Variants in MACF1 observed in about 807,000 individuals in gnomAD.
MACF1 encodes the protein microtubule-actin cross-linking factor 1.
Under a neutral mutation model 854.8 loss-of-function variants are expected in MACF1, and 193 were observed. The ratio of observed to expected loss-of-function variants is 0.23; its 90% CI spans 0.20 to 0.25. The LOEUF (loss-of-function observed/expected upper bound fraction) is 0.25. MACF1 is among the 10% of genes least tolerant of loss of function. MACF1 has a pLI of 1.00. For synonymous variants in MACF1, 3,185 were observed against 3,226.7 expected, an observed-to-expected ratio of 0.99 and a Z score of 0.44; for missense variants, 7,722 against 8,929.1, an observed-to-expected ratio of 0.86 and a Z score of 5.45.
At chr1:39,358,074 G>A (rs890238938) in intron 45 of MACF1, among the ~76,000 whole-genome samples, 181 bp downstream of exon 45, 1 of 152,162 alleles carries the variant, frequency 6.6e-6, no homozygotes, top group Non-Finnish European at 1.5e-5. Flanking sequence ...ATAGGTACTA[G>A]CCCAAAGGCC....
intron 64 of MACF1, among the ~76,000 whole-genome samples, chr1:39,429,573 A>G (rs1179039936): frequency 6.6e-6 from 1 of 152,144 alleles, no homozygotes; most frequent in East Asian, 1.9e-4. Context: ...GCCAACATGC[A>G]CTGAAAGGTG....
chr1:39,324,603 T>C, intron 34 of MACF1, 43 bp from the exon 35 acceptor site: 2 of 1,494,234 alleles, frequency 1.3e-6, no homozygotes, highest in Non-Finnish European at 1.8e-6. Flanking sequence ...TGACTCTTAA[T>C]TCTTGGGTTT....
chr1:39,157,321 G>T (rs966647691), intron 2 of MACF1, among the ~76,000 whole-genome samples: 1 of 152,118 alleles, frequency 6.6e-6, no homozygotes, highest in African/African-American at 2.4e-5. Flanking sequence ...ATCTTTTTAG[G>T]TGGGCATACT....
intron 64 of MACF1, 93 bp downstream of exon 64, chr1:39,429,419 A>G (rs1570042895): frequency 2.7e-6 from 2 of 728,968 alleles, no homozygotes; most frequent in East Asian, 2.5e-5. Context: ...CCTCTTCTTT[A>G]TGTATATATG....
At chr1:39,319,775 A>C in intron 31 of MACF1, 28 bp downstream of exon 31, 1 of 1,498,540 alleles carries the variant, frequency 6.7e-7, no homozygotes, top group Non-Finnish European at 9.3e-7. Context: ...CAAAAAGAAC[A>C]TGAATCATCA....
intron 49 of MACF1, among the ~76,000 whole-genome samples, chr1:39,364,738 C>T (rs991911063): frequency 6.6e-5 from 10 of 151,858 alleles, no homozygotes; most frequent in East Asian, 3.9e-4. Context: ...GTGATCCGCC[C>T]GCCTCAGCCT....
chr1:39,187,850 C>CTCTCTCTCTCTCCCTG (rs1644193711), intron 2 of MACF1, among the ~76,000 whole-genome samples: 4 of 106,314 alleles, frequency 3.8e-5, no homozygotes, highest in Non-Finnish European at 1.9e-5. Context: ...GGCTGTCTTT[C>CTCTCTCTCTCTCCCTG]TCTCTCTCTC....
At chr1:39,267,470 A>G (rs1042349519) in intron 6 of MACF1, among the ~76,000 whole-genome samples, 2 of 152,216 alleles carry the variant, frequency 1.3e-5, no homozygotes, top group African/African-American at 2.4e-5. Context: ...AGCTCAGGCA[A>G]TCCGCCTGCC....
At chr1:39,384,893 TA>T (rs767662677) in intron 56 of MACF1, among the ~76,000 whole-genome samples, 1 of 152,080 alleles carries the variant, frequency 6.6e-6, no homozygotes, top group Non-Finnish European at 1.5e-5. Context: ...ATGGGACAAA[TA>T]AGGAAAAGAA....
At chr1:39,109,107 A>G (rs148198436) in intron 2 of MACF1, among the ~76,000 whole-genome samples, 1 of 152,272 alleles carries the variant, frequency 6.6e-6, no homozygotes, top group African/African-American at 2.4e-5. Flanking sequence ...CTCCAGTCCT[A>G]GTTTTTGCCA....
intron 74 of MACF1, among the ~76,000 whole-genome samples, chr1:39,441,562 C>G (rs556787853): frequency 6.6e-6 from 1 of 152,300 alleles, no homozygotes; most frequent in African/African-American, 2.4e-5. Context: ...TAGATTCATT[C>G]AGCTACGTTG....
chr1:39,273,560 G>A (rs895916288), intron 6 of MACF1, among the ~76,000 whole-genome samples: 4 of 152,026 alleles, frequency 2.6e-5, no homozygotes, highest in African/African-American at 9.7e-5. Context: ...GAATGCAGAA[G>A]GTAAAGTTAT....
chr1:39,323,668 T>C (rs553799842), intron 33 of MACF1, among the ~76,000 whole-genome samples: 13 of 152,212 alleles, frequency 8.5e-5, no homozygotes, highest in African/African-American at 3.1e-4. Flanking sequence ...ATGTCATCTG[T>C]TTGTAACTGT....
chr1:39,463,490 CAA>C (rs58454766), intron 93 of MACF1, 120 bp from the exon 94 acceptor site: 5,660 of 497,280 alleles, frequency 0.011, no homozygotes, highest in South Asian at 0.017. Flanking sequence ...AACTCCATCT[CAA>C]AAAAAAAAAA....
intron 58 of MACF1, among the ~76,000 whole-genome samples, chr1:39,396,736 AGAGTTG>A (rs1642289823): frequency 6.6e-6 from 1 of 152,178 alleles, no homozygotes; most frequent in Non-Finnish European, 1.5e-5. Context: ...GTTTATTGTT[AGAGTTG>A]CTGGTTTACT....
chr1:39,120,049 A>G (rs573009841), intron 2 of MACF1, among the ~76,000 whole-genome samples: 1 of 151,784 alleles, frequency 6.6e-6, no homozygotes, highest in African/African-American at 2.4e-5. Flanking sequence ...ACGCTTGGCT[A>G]ATTTTGTATT....
In MACF1 at chr1:39,486,893, A is replaced by G. The variant is rs932218721; in HGVS notation, c.*1099A>G. ...ACCATGTTGCTGTGTGATTATCTCAATTGGTTTTAATTGAGGCAGAAACTG... is the reference window on the plus strand; with the variant it reads ...ACCATGTTGCTGTGTGATTATCTCAGTTGGTTTTAATTGAGGCAGAAACTG... On this transcript the variant is annotated 3_prime_UTR_variant, in exon 101 of 101. Coordinates refer to ENST00000564288, the MANE Select transcript of MACF1 (RefSeq NM_001394062.1). 12 of 152,632 alleles carry G rather than the reference A, an allele frequency of 7.9e-5. No individual in the cohort carries two copies. Among genetic ancestry groups the G allele is most frequent in the Admixed American group, 2.6e-4 (4 of 15,286 alleles). The allele number at this position is 152,632 out of a possible 1,614,324, so 9.5% of individuals were successfully genotyped here. A position where few individuals can be genotyped will look rare whatever the true frequency, so the allele number is the denominator to read the frequency against.
chr1:39,466,788 A>G (rs1420046981), intron 95 of MACF1, among the ~76,000 whole-genome samples: 3 of 152,218 alleles, frequency 2.0e-5, no homozygotes, highest in Non-Finnish European at 4.4e-5. Flanking sequence ...GCTACCACAC[A>G]GTGCTTTTGC....
At chr1:39,227,229 T>C (rs1469374829) in intron 1 of MACF1, among the ~76,000 whole-genome samples, 4 of 152,222 alleles carry the variant, frequency 2.6e-5, no homozygotes, top group Non-Finnish European at 4.4e-5. Context: ...TTGAGGTTTT[T>C]AGATATTGAA....
Sources: gnomAD v4.1 joint callset for allele counts (sites outside exome capture counted in the v4.1 genomes callset) on GRCh38, gnomAD v4.1.1 for gene constraint, MANE v1.5 for transcripts, NCBI Gene and HGNC (gene_info 2026-07-23, HGNC 2026-07-21) for gene names.